Variants in AGBL4 observed in about 807,000 individuals in gnomAD.
AGBL4 encodes AGBL carboxypeptidase 4, also known as cytosolic carboxypeptidase 6.
Under a neutral mutation model 66.4 loss-of-function variants are expected in AGBL4, and 58 were observed. The ratio of observed to expected loss-of-function variants is 0.87; its 90% CI spans 0.71 to 1.09. AGBL4 has a LOEUF of 1.09. Among genes scored for constraint, AGBL4 ranks in the 50% least tolerant of loss-of-function variants. AGBL4 has a pLI of 0.00. For missense variants in AGBL4, 579 were observed against 631.0 expected, an observed-to-expected ratio of 0.92 and a Z score of 0.88; for synonymous variants, 234 against 222.9, an observed-to-expected ratio of 1.05 and a Z score of -0.44.
intron 4 of AGBL4, among the ~76,000 whole-genome samples, chr1:49,220,223 C>T (rs1339768115): frequency 6.6e-6 from 1 of 152,122 alleles, no homozygotes; most frequent in Non-Finnish European, 1.5e-5. Context: ...TTGAATTATA[C>T]TTCCTTTTTC....
At chr1:49,926,646 C>G (rs796586726) in intron 1 of AGBL4, among the ~76,000 whole-genome samples, 5 of 152,198 alleles carry the variant, frequency 3.3e-5, no homozygotes, top group African/African-American at 1.2e-4. Flanking sequence ...TCAAAGAAAT[C>G]TAAGATAACA....
intron 5 of AGBL4, among the ~76,000 whole-genome samples, chr1:48,929,394 T>C (rs1654851322): frequency 6.6e-6 from 1 of 152,142 alleles, no homozygotes; most frequent in African/African-American, 2.4e-5. Context: ...ATTGTTCTCT[T>C]TCCTGGAGCA....
intron 3 of AGBL4, among the ~76,000 whole-genome samples, chr1:49,658,054 A>G (rs1431309044): frequency 1.3e-5 from 2 of 152,194 alleles, no homozygotes; most frequent in African/African-American, 4.8e-5. Context: ...AGAAACTACC[A>G]TCAGAGTGAA....
chr1:49,184,207 G>T (rs978360688), intron 4 of AGBL4, among the ~76,000 whole-genome samples: 8 of 152,180 alleles, frequency 5.3e-5, no homozygotes, highest in Non-Finnish European at 1.0e-4. Context: ...AGGAGACCAA[G>T]TCTCTAAGAG....
At chr1:48,690,715 C>T (rs1646616324) in intron 6 of AGBL4, among the ~76,000 whole-genome samples, 1 of 152,040 alleles carries the variant, frequency 6.6e-6, no homozygotes, top group South Asian at 2.1e-4. Context: ...GGAAATCTAT[C>T]CTAGTCAGGT....
At position 48,772,523 on chromosome 1, in the gene AGBL4, T is replaced by C. The variant is rs149012673; in HGVS notation, c.634+94668A>G. Reference sequence around the variant, plus strand: ...AGAAGAGTAAAAAATACCATAGGTCTCAGGGAAAGGGGAAGAGAGAGTGAG... The same window carrying C: ...AGAAGAGTAAAAAATACCATAGGTCCCAGGGAAAGGGGAAGAGAGAGTGAG... On this transcript the variant is annotated intron_variant, in intron 6 of 13. Coordinates refer to ENST00000371839, the MANE Select transcript of AGBL4 (RefSeq NM_032785.4). 1.6e-4 allele frequency among the ~76,000 whole-genome samples: 25 copies of C among 152,124 alleles called. No homozygotes were observed. In the East Asian group the frequency reaches 4.8e-3, roughly 29 times the overall value.
rs975393764 is a variant in AGBL4, at chr1:49,376,715, T to C, written c.283-130851A>G. Among the ~76,000 whole-genome samples the C allele has an allele frequency of 3.3e-5, 5 of 152,112 alleles. No homozygotes were observed. The East Asian group carries it at 9.6e-4, about 29-fold the overall frequency. On this transcript the variant is annotated intron_variant, in intron 3 of 13. Transcript: ENST00000371839. The stretch of plus-strand genomic sequence containing the variant: ...CTCACCCAACTAATCTCTCAATCTT[T>C]AAGATCATTTTAGAGGGGATCTTCC...
chr1:49,138,530 C>T (rs916596157), intron 4 of AGBL4, among the ~76,000 whole-genome samples: 1 of 152,140 alleles, frequency 6.6e-6, no homozygotes, highest in Non-Finnish European at 1.5e-5. Flanking sequence ...CTTCTTTCTC[C>T]ATCACATCAC....
chr1:49,781,074 T>G lies in AGBL4; in HGVS notation c.157+70322A>C, dbSNP rs575881833. Among the ~76,000 whole-genome samples, 3 of 152,080 alleles carry G rather than the reference T, an allele frequency of 2.0e-5. No individual in the cohort carries two copies. In the East Asian group the frequency reaches 5.8e-4, roughly 29 times the overall value. On this transcript the variant is annotated intron_variant, in intron 2 of 13. Transcript: ENST00000371839. ...GAAGGCTGGAGTTGCTATACTAATA[T>G]CAGACAAAATATATAATTCAAAATG... is the stretch of plus-strand genomic sequence containing the variant.
At chr1:49,923,971 T>C (rs2148246766) in intron 1 of AGBL4, among the ~76,000 whole-genome samples, 1 of 152,320 alleles carries the variant, frequency 6.6e-6, no homozygotes, top group Middle Eastern at 3.4e-3. Context: ...TACTAGAGTA[T>C]ATACCCAAAC....
intron 2 of AGBL4, among the ~76,000 whole-genome samples, chr1:49,832,136 T>A (rs1010251664): frequency 9.2e-5 from 14 of 151,916 alleles, no homozygotes; most frequent in African/African-American, 3.4e-4. Context: ...CCTAATGCTA[T>A]CCCTCCCCCC....
intron 3 of AGBL4, among the ~76,000 whole-genome samples, chr1:49,515,554 T>C (rs910495217): frequency 1.3e-5 from 2 of 151,716 alleles, no homozygotes; most frequent in Non-Finnish European, 2.9e-5. Flanking sequence ...ACCCAAAGGA[T>C]TATAAATCAT....
chr1:49,084,543 G>T (rs546352938), intron 4 of AGBL4, among the ~76,000 whole-genome samples: 1 of 152,128 alleles, frequency 6.6e-6, no homozygotes, highest in East Asian at 1.9e-4. Context: ...TGACTACCAT[G>T]AGAACAGTAT....
chr1:49,086,338 G>T (rs1202950735), intron 4 of AGBL4, among the ~76,000 whole-genome samples: 1 of 151,586 alleles, frequency 6.6e-6, no homozygotes, highest in African/African-American at 2.4e-5. Flanking sequence ...CTTCTGGCTG[G>T]ACTCAGCTGG....
At chr1:49,985,114 G>T (rs1659392382) in intron 1 of AGBL4, among the ~76,000 whole-genome samples, 1 of 151,974 alleles carries the variant, frequency 6.6e-6, no homozygotes, top group Non-Finnish European at 1.5e-5. Flanking sequence ...TGATACTGAG[G>T]TTTATAGTAC....
At chr1:49,089,051 T>C (rs1357109905) in intron 4 of AGBL4, among the ~76,000 whole-genome samples, 1 of 151,778 alleles carries the variant, frequency 6.6e-6, no homozygotes, top group East Asian at 1.9e-4. Context: ...TCTTGGAAAC[T>C]AATGAGTGCT....
intron 2 of AGBL4, among the ~76,000 whole-genome samples, chr1:49,757,493 G>T (rs1256752814): frequency 2.0e-5 from 3 of 152,150 alleles, no homozygotes; most frequent in Admixed American, 6.5e-5. Flanking sequence ...GACTTGTAGG[G>T]CTCAGAAGAC....
rs376724158 is a variant in AGBL4 at position 48,946,095 on chromosome 1, T to G, written c.595-78865A>C. ...TTCCCTATTGAAATTGAGCCTTCCA[T>G]GTTTAGCTCAAGAACTACTTCTCCC... On this transcript the variant is annotated intron_variant, in intron 5 of 13. Coordinates refer to ENST00000371839, the MANE Select transcript of AGBL4 (RefSeq NM_032785.4). Among the ~76,000 whole-genome samples the G allele has an allele frequency of 4.6e-5, 7 of 152,332 alleles. No individual in the cohort carries two copies. The East Asian group carries it at 9.6e-4, about 21-fold the overall frequency.
At chr1:48,715,973 A>G in intron 6 of AGBL4, among the ~76,000 whole-genome samples, 1 of 152,174 alleles carries the variant, frequency 6.6e-6, no homozygotes, top group East Asian at 1.9e-4. Context: ...GAGGAACTGC[A>G]GTGGAGCAAG....
Sources: allele counts gnomAD v4.1 joint callset (sites outside exome capture counted in the v4.1 genomes callset), GRCh38; gene constraint gnomAD v4.1.1; transcripts MANE v1.5; gene names NCBI Gene and HGNC (gene_info 2026-07-23, HGNC 2026-07-21).